The following TASOR2 variants were observed in gnomAD, a reference collection of about 807,000 sequenced individuals.
TASOR2 encodes protein TASOR 2.
TASOR2 carries 84 observed loss-of-function variants against 199.5 expected under a neutral mutation model. The observed-to-expected ratio is 0.42, with a 90% CI of 0.35 to 0.50. TASOR2 has a LOEUF of 0.50. Ranked by LOEUF, TASOR2 falls within the 20% of genes least tolerant of loss-of-function variation. The pLI, the probability that TASOR2 is intolerant of heterozygous loss-of-function variation, is 0.02. For missense variants in TASOR2, 2,796 were observed against 2,835.9 expected, an observed-to-expected ratio of 0.99 and a Z score of 0.32; for synonymous variants, 1,103 against 1,046.6, an observed-to-expected ratio of 1.05 and a Z score of -1.04.
At position 5,720,387 on chromosome 10, in the gene TASOR2, A is replaced by T. The variant is rs1833200657; in HGVS notation, c.-99-157A>T. ...AAGACGAGTCATTTTCGTGCCTTTGAACTGAGTCAGGTATAGTTACCTGTG... is the reference window on the plus strand; with the variant it reads ...AAGACGAGTCATTTTCGTGCCTTTGTACTGAGTCAGGTATAGTTACCTGTG... On this transcript the variant is annotated intron_variant, in intron 3 of 20. Transcript: ENST00000328090. The surrounding 1 kb of genome is among the most constrained non-coding windows in gnomAD (Gnocchi z 5.3). 3 of 985,226 alleles carry T rather than the reference A, an allele frequency of 3.0e-6. No homozygotes were observed. The highest frequency in any genetic ancestry group is 6.2e-5 in the Admixed American group (1 of 16,256). The allele number at this position is 985,226 out of a possible 1,614,324, so 61.0% of individuals were successfully genotyped here. A position where few individuals can be genotyped will look rare whatever the true frequency, so the allele number is the denominator to read the frequency against.
intron 3 of TASOR2, among the ~76,000 whole-genome samples, chr10:5,718,214 G>A (rs1832885181): frequency 6.6e-6 from 1 of 151,962 alleles, no homozygotes; most frequent in African/African-American, 2.4e-5. Flanking sequence ...TGTCCTAAAT[G>A]GTACTGTTAA....
exon 2 of TASOR2, chr10:5,712,886 T>TA (rs1367581319): frequency 5.7e-6 from 7 of 1,231,364 alleles, no homozygotes; most frequent in Middle Eastern, 3.1e-4. Context: ...TCAAGACACT[T>TA]ACGGGTTTCT....
intron 14 of TASOR2, among the ~76,000 whole-genome samples, chr10:5,745,373 A>C (rs904451471): frequency 5.3e-5 from 8 of 152,236 alleles, no homozygotes; most frequent in African/African-American, 1.9e-4. Flanking sequence ...ATGTATTCTG[A>C]GTACAGGGGG....
Position 5,685,053 on chromosome 10 carries a change from GC to G in TASOR2, c.-409del, listed in dbSNP as rs1464655805. 5.0e-6 allele frequency: 2 copies of G among 398,046 alleles called. No individual in the cohort carries two copies. Among genetic ancestry groups the G allele is most frequent in the Non-Finnish European group, 8.9e-6 (2 of 225,596 alleles). The allele number at this position is 398,046 out of a possible 1,614,324, so 24.7% of individuals were successfully genotyped here. On this transcript the variant is annotated 5_prime_UTR_variant, in exon 1 of 21. Coordinates refer to ENST00000328090, the Ensembl canonical transcript of TASOR2. This position sits in a 1 kb window ranked among gnomAD's most constrained non-coding sequence, Gnocchi z 5.4. ...CGGGAGCGCGGAGCCGGCGACTGGT[GC>G]TTCCCACGTGCGCCGGTGTCGCGAG...
chr10:5,719,183 T>A lies in TASOR2; in HGVS notation c.-99-1361T>A, dbSNP rs940277904. On this transcript the variant is annotated intron_variant, in intron 3 of 20. Transcript: ENST00000328090. This position sits in a 1 kb window ranked among gnomAD's most constrained non-coding sequence, Gnocchi z 4.1. ...TTTTTAAAAAGTAACTATATTCTTCTTATAAAAATTAAAATTGCCTATAGT... is the reference window on the plus strand; with the variant it reads ...TTTTTAAAAAGTAACTATATTCTTCATATAAAAATTAAAATTGCCTATAGT... 1.3e-5 allele frequency among the ~76,000 whole-genome samples: 2 copies of A among 148,252 alleles called. No homozygotes were observed. The highest frequency in any genetic ancestry group is 5.1e-5 in the African/African-American group (2 of 39,064).
At chr10:5,693,923 G>C (rs1242083760) in intron 1 of TASOR2, among the ~76,000 whole-genome samples, 2 of 152,042 alleles carry the variant, frequency 1.3e-5, no homozygotes, top group Non-Finnish European at 1.5e-5. Context: ...ATTCTGCTGG[G>C]GAAAATAGAC....
At chr10:5,744,808 T>A (rs1836946797) in intron 14 of TASOR2, among the ~76,000 whole-genome samples, 1 of 152,230 alleles carries the variant, frequency 6.6e-6, no homozygotes, top group African/African-American at 2.4e-5. Flanking sequence ...TTTGTATTTT[T>A]AGTAGAGACT....
rs1838079532 is a variant in TASOR2 at position 5,751,810 on chromosome 10, A to C, written c.6606+1783A>C. Among the ~76,000 whole-genome samples the C allele has an allele frequency of 6.6e-6, 1 of 152,232 alleles. No individual in the cohort carries two copies. The highest frequency in any genetic ancestry group is 6.5e-5 in the Admixed American group (1 of 15,286). ...AAAGCCAAGAAATATACATATGTAC[A>C]TACGTATATCTACATCTCTATTTAT... On this transcript the variant is annotated intron_variant, in intron 15 of 20. Transcript: ENST00000328090. The surrounding 1 kb of genome is among the most constrained non-coding windows in gnomAD (Gnocchi z 5.3).
chr10:5,707,942 C>G (rs1831333768), intron 1 of TASOR2, among the ~76,000 whole-genome samples: 1 of 152,136 alleles, frequency 6.6e-6, no homozygotes, highest in South Asian at 2.1e-4. Context: ...GACCAGAACC[C>G]TGGTCTCCCT....
Position 5,722,487 on chromosome 10 carries a change from A to G in TASOR2, c.147-1190A>G, listed in dbSNP as rs1429924607. Among the ~76,000 whole-genome samples, 2 of 152,058 alleles carry G rather than the reference A, an allele frequency of 1.3e-5. No individual in the cohort carries two copies. Among genetic ancestry groups the G allele is most frequent in the Non-Finnish European group, 2.9e-5 (2 of 67,986 alleles). ...AGAAAAGAAAAAATTTCCTGTTTAA[A>G]GGAATCACACAGAGAGGTATGTGAC... is the stretch of plus-strand genomic sequence containing the variant. On this transcript the variant is annotated intron_variant, in intron 6 of 20. Coordinates refer to ENST00000328090, the Ensembl canonical transcript of TASOR2. This position sits in a 1 kb window ranked among gnomAD's most constrained non-coding sequence, Gnocchi z 4.0.
intron 1 of TASOR2, among the ~76,000 whole-genome samples, chr10:5,686,498 T>G (rs1835830557): frequency 6.6e-6 from 1 of 152,238 alleles, no homozygotes; most frequent in Admixed American, 6.5e-5. Flanking sequence ...ACTGCAGTGA[T>G]TATCTCTTGC....
rs530656058 is a variant in TASOR2 at position 5,761,484 on chromosome 10, C to A, written c.7174+13C>A. The A allele has an allele frequency of 1.2e-6, 2 of 1,606,166 alleles. No homozygotes were observed. Among genetic ancestry groups the A allele is most frequent in the South Asian group, 1.1e-5 (1 of 90,818 alleles). On this transcript the variant is annotated intron_variant, in intron 19 of 20. Transcript: ENST00000328090. ...GTCCTCCTAACAGGTAATTCACAGG[C>A]GCATTTTACTCAGTTAATGCCAAAA...
intron 1 of TASOR2, among the ~76,000 whole-genome samples, chr10:5,688,779 G>A (rs1298502862): frequency 6.6e-6 from 1 of 152,010 alleles, no homozygotes; most frequent in Non-Finnish European, 1.5e-5. Context: ...AGTTGAGCTG[G>A]GAGGATTGCT....
rs201619205 is a variant in TASOR2, at chr10:5,762,547, C to A, written c.7190C>A (p.Pro2397His). 9.7e-5 allele frequency: 111 copies of A among 1,140,714 alleles called. No individual in the cohort carries two copies. The African/African-American group carries it at 1.7e-3, about 17-fold the overall frequency. 70.7% of individuals were successfully genotyped at this position (1,140,714 alleles called of 1,614,324 possible). A position where few individuals can be genotyped will look rare whatever the true frequency, so the allele number is the denominator to read the frequency against. The stretch of plus-strand genomic sequence containing the variant: ...TTTTTAACAGACAAGCCTACTATCC[C>A]CAGAGAAGTCTTTGAAAATAGTGGA... Residue 2397 changes from proline to histidine, a missense_variant, in exon 20 of 21, where the codon CCC (proline) becomes CAC (histidine). Coordinates refer to ENST00000328090, the Ensembl canonical transcript of TASOR2.
At chr10:5,686,883 T>G (rs1835872629) in intron 1 of TASOR2, among the ~76,000 whole-genome samples, 2 of 152,206 alleles carry the variant, frequency 1.3e-5, no homozygotes, top group Non-Finnish European at 2.9e-5. Context: ...TTATAATATA[T>G]TTTGGTACTT....
At chr10:5,756,855 G>A in intron 16 of TASOR2, 117 bp downstream of exon 17, 1 of 1,072,430 alleles carries the variant, frequency 9.3e-7, no homozygotes, top group Non-Finnish European at 1.3e-6. Flanking sequence ...TTACTGTTGG[G>A]CCTTTAAGTG....
At chr10:5,746,448 A>G in exon 15 of TASOR2, 1 of 1,614,164 alleles carries the variant, frequency 6.2e-7, no homozygotes, top group South Asian at 1.1e-5. Flanking sequence ...TTGATGCAGC[A>G]GTGCAAACAA....
chr10:5,754,918 T>C lies in TASOR2; in HGVS notation c.6607-1695T>C, dbSNP rs1335665795. ...GAAATTAGCTGGGCGTGGTGGCGGG[T>C]GCCTGTAGTCCCAGCTACTCGGGAG... On this transcript the variant is annotated intron_variant, in intron 15 of 20. Transcript: ENST00000328090. The surrounding 1 kb of genome is among the most constrained non-coding windows in gnomAD (Gnocchi z 4.3). Among the ~76,000 whole-genome samples, 9 of 150,606 alleles carry C rather than the reference T, an allele frequency of 6.0e-5. No homozygotes were observed. The highest frequency in any genetic ancestry group is 1.3e-4 in the Admixed American group (2 of 15,156).
Position 5,685,232 on chromosome 10 carries a change from C to G in TASOR2, c.-288+57C>G, listed in dbSNP as rs566659846. ...ACCCTGCGAGGAGGACGGCGGGTCC[C>G]CGAGGCCGAGCGCTCGGGCAGCTGC... On this transcript the variant is annotated intron_variant, in intron 1 of 20. Transcript: ENST00000328090. The surrounding 1 kb of genome is among the most constrained non-coding windows in gnomAD (Gnocchi z 5.4). 2.5e-6 allele frequency: 1 copy of G among 397,542 alleles called. No individual in the cohort carries two copies. Among genetic ancestry groups the G allele is most frequent in the African/African-American group, 2.1e-5 (1 of 48,688 alleles). The allele number at this position is 397,542 out of a possible 1,614,324, so 24.6% of individuals were successfully genotyped here.
Sources: allele counts gnomAD v4.1 joint callset (sites outside exome capture counted in the v4.1 genomes callset), GRCh38; gene constraint gnomAD v4.1.1; non-coding constraint Gnocchi (gnomAD v3.1); transcripts MANE v1.5; gene names NCBI Gene and HGNC (gene_info 2026-07-23, HGNC 2026-07-21).